Variants in SH3PXD2A observed in about 807,000 individuals in gnomAD.
SH3PXD2A encodes the protein SH3 and PX domains 2A.
In SH3PXD2A, 32 loss-of-function variants were observed where a neutral mutation model predicts 115.2. That is an observed-to-expected ratio of 0.28 (90% CI 0.21 to 0.37). The LOEUF (loss-of-function observed/expected upper bound fraction) is 0.37, where lower values mean the gene tolerates loss of function less well. Among genes scored for constraint, SH3PXD2A ranks in the 10% least tolerant of loss-of-function variants. The probability of loss-of-function intolerance (pLI) is 1.00; values close to 1 mark genes in which losing one functional copy is unlikely to be tolerated. For missense variants in SH3PXD2A, 1,328 were observed against 1,498.7 expected (o/e 0.89, Z 1.88); for synonymous variants, 610 against 629.1 (o/e 0.97, Z 0.45).
At chr10:103,682,983 A>G (rs1016894645) in intron 6 of SH3PXD2A, among the ~76,000 whole-genome samples, 1 of 152,162 alleles carries the variant, frequency 6.6e-6, no homozygotes, top group Non-Finnish European at 1.5e-5. Flanking sequence ...TACACTCTCC[A>G]TGACTTCCTT....
intron 2 of SH3PXD2A, among the ~76,000 whole-genome samples, chr10:103,773,587 G>T (rs770735502): frequency 9.2e-5 from 14 of 151,950 alleles, no homozygotes; most frequent in Non-Finnish European, 1.9e-4. Context: ...TTACAGGTGT[G>T]TGCCACCATG....
At chr10:103,819,930 A>G (rs2039360709) in intron 1 of SH3PXD2A, among the ~76,000 whole-genome samples, 1 of 152,158 alleles carries the variant, frequency 6.6e-6, no homozygotes, top group South Asian at 2.1e-4. Flanking sequence ...CTCAGGATGC[A>G]GTGGAGTGAC....
At chr10:103,657,971 T>G (rs1307208599) in intron 8 of SH3PXD2A, among the ~76,000 whole-genome samples, 1 of 152,190 alleles carries the variant, frequency 6.6e-6, no homozygotes, top group African/African-American at 2.4e-5. Flanking sequence ...AGGGGAGAGA[T>G]CTTAGCTCTT....
At chr10:103,816,175 A>G (rs964932192) in intron 1 of SH3PXD2A, among the ~76,000 whole-genome samples, 1 of 152,170 alleles carries the variant, frequency 6.6e-6, no homozygotes, top group African/African-American at 2.4e-5. Flanking sequence ...CAAAATAAAG[A>G]ACTACGTAAG....
At chr10:103,780,482 G>A (rs2038921701) in intron 2 of SH3PXD2A, among the ~76,000 whole-genome samples, 1 of 152,192 alleles carries the variant, frequency 6.6e-6, no homozygotes, top group Non-Finnish European at 1.5e-5. Context: ...TGGTTAATAT[G>A]GAGCCCTGGG....
chr10:103,828,032 A>G (rs1053312594), intron 1 of SH3PXD2A, among the ~76,000 whole-genome samples: 3 of 152,158 alleles, frequency 2.0e-5, no homozygotes, highest in Admixed American at 6.5e-5. Context: ...GGAGACCATG[A>G]TCATCATCCC....
chr10:103,600,590 G>C lies in SH3PXD2A; in HGVS notation c.*1226C>G, dbSNP rs1338475966. 1.3e-5 allele frequency: 2 copies of C among 152,254 alleles called. No homozygotes were observed. Among genetic ancestry groups the C allele is most frequent in the Admixed American group, 6.5e-5 (1 of 15,290 alleles). 9.4% of individuals were successfully genotyped at this position (152,254 alleles called of 1,614,324 possible). The stretch of plus-strand genomic sequence containing the variant: ...ACGCAGAATGGCGGTCACCCAGCAG[G>C]CTGGGAGCTGCCTTCTCTCCAAAAG... On this transcript the variant is annotated 3_prime_UTR_variant, in exon 15 of 15. Transcript: ENST00000369774.
intron 1 of SH3PXD2A, among the ~76,000 whole-genome samples, chr10:103,803,806 C>T (rs756875106): frequency 3.3e-5 from 5 of 152,220 alleles, no homozygotes; most frequent in Admixed American, 1.3e-4. Flanking sequence ...GACACAGCTT[C>T]GGGAGGTCCT....
chr10:103,622,260 T>C (rs2036617826), intron 10 of SH3PXD2A, among the ~76,000 whole-genome samples: 1 of 151,874 alleles, frequency 6.6e-6, no homozygotes, highest in South Asian at 2.1e-4. Flanking sequence ...ACCCAGGAGG[T>C]TGACAAAGCC....
intron 1 of SH3PXD2A, among the ~76,000 whole-genome samples, chr10:103,828,380 G>T (rs2039451882): frequency 1.3e-5 from 2 of 152,150 alleles, no homozygotes; most frequent in African/African-American, 4.8e-5. Flanking sequence ...GCTCATTAAA[G>T]TAAGCAGCTC....
rs144164982 is a variant in SH3PXD2A, at chr10:103,751,848, A to G, written c.229+15246T>C. ...GCAAGTTGGAAGCATCCCAAGAGAC[A>G]CCAAAGCAACCGAATAACCCGCACT... On this transcript the variant is annotated intron_variant, in intron 3 of 14. Transcript: ENST00000369774. Among the ~76,000 whole-genome samples the G allele has an allele frequency of 3.5e-4, 54 of 152,288 alleles. No individual in the cohort carries two copies. In the East Asian group the frequency reaches 9.3e-3, roughly 26 times the overall value.
At chr10:103,745,812 C>T (rs1237852117) in intron 3 of SH3PXD2A, among the ~76,000 whole-genome samples, 1 of 152,242 alleles carries the variant, frequency 6.6e-6, no homozygotes, top group Non-Finnish European at 1.5e-5. Context: ...TTCCGTTTCT[C>T]GGAGGCCCAA....
At chr10:103,694,802 G>A (rs981851476) in intron 5 of SH3PXD2A, among the ~76,000 whole-genome samples, 2 of 152,152 alleles carry the variant, frequency 1.3e-5, no homozygotes, top group Non-Finnish European at 2.9e-5. Context: ...CTGGGAAACC[G>A]TTGCCTTGGA....
chr10:103,749,589 A>G (rs968758959), intron 3 of SH3PXD2A, among the ~76,000 whole-genome samples: 5 of 152,202 alleles, frequency 3.3e-5, no homozygotes, highest in African/African-American at 9.7e-5. Context: ...ACAGTGTTTC[A>G]TAGAACTGAG....
At chr10:103,652,308 G>A (rs2037138503) in intron 8 of SH3PXD2A, among the ~76,000 whole-genome samples, 3 of 152,210 alleles carry the variant, frequency 2.0e-5, no homozygotes, top group Admixed American at 2.0e-4. Context: ...TCCCAGGATG[G>A]GGAGTCCTGC....
chr10:103,740,596 T>A (rs1201087585), intron 3 of SH3PXD2A, among the ~76,000 whole-genome samples: 3 of 152,182 alleles, frequency 2.0e-5, no homozygotes, highest in African/African-American at 7.2e-5. Flanking sequence ...AGGACCCATT[T>A]GTAGAGGTAA....
intron 6 of SH3PXD2A, among the ~76,000 whole-genome samples, chr10:103,690,315 A>G (rs764056276): frequency 6.6e-6 from 1 of 152,192 alleles, no homozygotes; most frequent in Non-Finnish European, 1.5e-5. Context: ...TTATAACCAT[A>G]TGAGGTGTGT....
At chr10:103,671,393 G>A (rs2037456821) in intron 6 of SH3PXD2A, among the ~76,000 whole-genome samples, 1 of 152,216 alleles carries the variant, frequency 6.6e-6, no homozygotes, top group African/African-American at 2.4e-5. Context: ...CGGAGCTCAT[G>A]CCTGTCCCCT....
chr10:103,598,554 T>G lies in SH3PXD2A; in HGVS notation c.*3262A>C, dbSNP rs1281670095. 1 of 152,630 alleles carries G rather than the reference T, an allele frequency of 6.6e-6. No homozygotes were observed. The highest frequency in any genetic ancestry group is 1.5e-5 in the Non-Finnish European group (1 of 68,032). 9.5% of individuals were successfully genotyped at this position (152,630 alleles called of 1,614,324 possible). A position where few individuals can be genotyped will look rare whatever the true frequency, so the allele number is the denominator to read the frequency against. ...AAAGTTGCAGTATACAGCAATACAG[T>G]GTCGTTTCACATTTTCAGTCGCAAC... On this transcript the variant is annotated 3_prime_UTR_variant, in exon 15 of 15. Coordinates refer to ENST00000369774, the MANE Select transcript of SH3PXD2A (RefSeq NM_001394015.1).
Sources: allele counts gnomAD v4.1 joint callset (sites outside exome capture counted in the v4.1 genomes callset), GRCh38; gene constraint gnomAD v4.1.1; transcripts MANE v1.5; gene names NCBI Gene and HGNC (gene_info 2026-07-23, HGNC 2026-07-21).